FARS2: variants seen among roughly 807,000 people sequenced by gnomAD.
FARS2 encodes phenylalanine--tRNA ligase, mitochondrial.
FARS2 carries 40 observed loss-of-function variants against 46.4 expected under a neutral mutation model. The observed-to-expected ratio is 0.86, with a 90% CI of 0.67 to 1.12. The LOEUF (loss-of-function observed/expected upper bound fraction) is 1.12, where lower values mean the gene tolerates loss of function less well. Ranked by LOEUF, FARS2 falls within the 50% of genes most tolerant of loss-of-function variation. The pLI is 0.00. For synonymous variants in FARS2, 234 were observed against 214.9 expected (o/e 1.09, Z -0.78); for missense variants, 513 against 567.9 (o/e 0.90, Z 0.98).
chr6:5,578,808 C>CAAAAAAAAAAAAAAAAAAA (rs56248218), intron 5 of FARS2, among the ~76,000 whole-genome samples: 8 of 124,372 alleles, frequency 6.4e-5, no homozygotes, highest in South Asian at 2.5e-4. Flanking sequence ...CACTCCGTCT[C>CAAAAAAAAAAAAAAAAAAA]AAAAAAAAAA....
chr6:5,516,599 A>T (rs1317093911), intron 4 of FARS2, among the ~76,000 whole-genome samples: 2 of 152,106 alleles, frequency 1.3e-5, no homozygotes, highest in Non-Finnish European at 2.9e-5. Context: ...AAACTCTTCC[A>T]CCTATTTTGT....
intron 6 of FARS2, among the ~76,000 whole-genome samples, chr6:5,626,257 A>G (rs892388866): frequency 6.6e-6 from 1 of 152,154 alleles, no homozygotes; most frequent in Non-Finnish European, 1.5e-5. Flanking sequence ...CCCAGCCTGC[A>G]GGTCCAGATG....
intron 6 of FARS2, among the ~76,000 whole-genome samples, chr6:5,737,378 A>C (rs932614458): frequency 1.3e-5 from 2 of 152,214 alleles, no homozygotes; most frequent in Non-Finnish European, 2.9e-5. Flanking sequence ...TAAAAATACA[A>C]AAATTAACTG....
At chr6:5,270,425 T>C (rs745371093) in intron 1 of FARS2, among the ~76,000 whole-genome samples, 13 of 152,210 alleles carry the variant, frequency 8.5e-5, no homozygotes, top group Non-Finnish European at 1.5e-4. Context: ...CCAAGTAAAC[T>C]ATCCCAGATT....
At chr6:5,605,761 C>T (rs1774797548) in intron 5 of FARS2, among the ~76,000 whole-genome samples, 1 of 151,952 alleles carries the variant, frequency 6.6e-6, no homozygotes, top group African/African-American at 2.4e-5. Context: ...AAAAAAAATG[C>T]CTGATGCCCT....
At chr6:5,396,149 C>T (rs1026331701) in intron 2 of FARS2, among the ~76,000 whole-genome samples, 1 of 152,028 alleles carries the variant, frequency 6.6e-6, no homozygotes, top group African/African-American at 2.4e-5. Context: ...AAACTGCTTC[C>T]CAAGAGCTCC....
intron 6 of FARS2, among the ~76,000 whole-genome samples, chr6:5,621,254 C>CT (rs112686629): frequency 0.012 from 1,702 of 142,490 alleles, 17 homozygotes; most frequent in African/African-American, 0.033. Flanking sequence ...ACTTGGCTAA[C>CT]TTTTTTTTTT....
intron 6 of FARS2, among the ~76,000 whole-genome samples, chr6:5,751,810 T>C (rs970684953): frequency 1.3e-5 from 2 of 152,214 alleles, no homozygotes; most frequent in Non-Finnish European, 2.9e-5. Flanking sequence ...GGACTCTCAG[T>C]TTCTTCCATT....
intron 6 of FARS2, among the ~76,000 whole-genome samples, chr6:5,690,733 G>C (rs1308310593): frequency 1.3e-5 from 2 of 152,260 alleles, no homozygotes; most frequent in African/African-American, 2.4e-5. Context: ...TCCTGAATTT[G>C]AATGTTGGCC....
At chr6:5,271,657 G>T (rs1423809468) in intron 1 of FARS2, among the ~76,000 whole-genome samples, 2 of 150,832 alleles carry the variant, frequency 1.3e-5, no homozygotes, top group Non-Finnish European at 2.9e-5. Context: ...CCGCCTCCGG[G>T]GTTCAAGCGA....
chr6:5,670,490 A>T (rs1043640273), intron 6 of FARS2, among the ~76,000 whole-genome samples: 1 of 152,236 alleles, frequency 6.6e-6, no homozygotes, highest in African/African-American at 2.4e-5. Flanking sequence ...CAACTGATGC[A>T]CAATGGATCA....
intron 3 of FARS2, among the ~76,000 whole-genome samples, chr6:5,422,439 G>A (rs1762606909): frequency 1.3e-5 from 2 of 152,010 alleles, no homozygotes; most frequent in Non-Finnish European, 2.9e-5. Flanking sequence ...CACAGACCGT[G>A]CCTTCTTGGT....
intron 6 of FARS2, among the ~76,000 whole-genome samples, chr6:5,742,757 A>G (rs1022797823): frequency 6.6e-6 from 1 of 152,024 alleles, no homozygotes; most frequent in Admixed American, 6.6e-5. Flanking sequence ...ATCAGGTGAC[A>G]TTGTTCTGAA....
chr6:5,555,356 A>G (rs771735982), intron 5 of FARS2, among the ~76,000 whole-genome samples: 1 of 152,080 alleles, frequency 6.6e-6, no homozygotes, highest in Non-Finnish European at 1.5e-5. Context: ...GTGCAACTAT[A>G]CATAGGTGAA....
At chr6:5,453,329 A>G (rs1764617020) in intron 4 of FARS2, among the ~76,000 whole-genome samples, 1 of 152,226 alleles carries the variant, frequency 6.6e-6, no homozygotes, top group Admixed American at 6.5e-5. Context: ...GTTGCCACAA[A>G]AAAGCATAGA....
intron 4 of FARS2, among the ~76,000 whole-genome samples, chr6:5,536,515 G>GAGGTCA (rs1561693885): frequency 6.6e-6 from 1 of 152,090 alleles, no homozygotes; most frequent in Non-Finnish European, 1.5e-5. Context: ...ACCCTATAAG[G>GAGGTCA]AGGTCAAGAA....
chr6:5,268,942 G>C (rs952404731), intron 1 of FARS2, among the ~76,000 whole-genome samples: 1 of 152,038 alleles, frequency 6.6e-6, no homozygotes, highest in Non-Finnish European at 1.5e-5. Flanking sequence ...TGGATTCCTA[G>C]GTATTAGAAC....
intron 6 of FARS2, among the ~76,000 whole-genome samples, chr6:5,746,262 G>A (rs570455719): frequency 2.0e-5 from 3 of 152,236 alleles, no homozygotes; most frequent in South Asian, 4.1e-4. Flanking sequence ...ACAGTGACAC[G>A]ATGGCCACGT....
At chr6:5,324,466 T>TA (rs1257386518) in intron 1 of FARS2, among the ~76,000 whole-genome samples, 9 of 147,790 alleles carry the variant, frequency 6.1e-5, no homozygotes, top group Admixed American at 2.7e-4. Context: ...TTTTTTTTTT[T>TA]AACCAAGACG....
Sources: allele counts gnomAD v4.1 joint callset (sites outside exome capture counted in the v4.1 genomes callset), GRCh38; gene constraint gnomAD v4.1.1; transcripts MANE v1.5; gene names NCBI Gene and HGNC (gene_info 2026-07-23, HGNC 2026-07-21).